The following E2F8 variants were observed in gnomAD, a reference collection of about 807,000 sequenced individuals.
E2F8 encodes the protein transcription factor E2F8.
In E2F8, 35 loss-of-function variants were observed where a neutral mutation model predicts 80.8. That is an observed-to-expected ratio of 0.43 (90% CI 0.33 to 0.57). The LOEUF (loss-of-function observed/expected upper bound fraction) is 0.57, where lower values mean the gene tolerates loss of function less well. E2F8 is among the 20% of genes least tolerant of loss of function. E2F8 has a pLI of 0.04. For synonymous variants in E2F8, 386 were observed against 395.0 expected (o/e 0.98, Z 0.27); for missense variants, 975 against 1,056.2 (o/e 0.92, Z 1.07).
At chr11:19,237,085 A>C (rs1851537788) in intron 4 of E2F8, among the ~76,000 whole-genome samples, 1 of 152,248 alleles carries the variant, frequency 6.6e-6, no homozygotes, top group Admixed American at 6.5e-5. Flanking sequence ...AGACAACTGT[A>C]GTCAGAAGCA....
chr11:19,230,701 C>A lies in E2F8; in HGVS notation c.1200G>T (p.Leu400Phe). Residue 400 changes from leucine (L) to phenylalanine (F), a missense_variant, in exon 8 of 13, where the codon TTG (leucine) becomes TTT (phenylalanine). Transcript: ENST00000250024. ...NFTRHPSLIK[L>F]VKSIESDRRK... Reference sequence around the variant, plus strand: ...TCCGATCACTTTCTATACTCTTTACCAATTTGATAAGAGATGGGTGTCGAG... The same window carrying A: ...TCCGATCACTTTCTATACTCTTTACAAATTTGATAAGAGATGGGTGTCGAG... 1 of 1,614,090 alleles carries A rather than the reference C, an allele frequency of 6.2e-7. No individual in the cohort carries two copies. Among genetic ancestry groups the A allele is most frequent in the Non-Finnish European group, 8.5e-7 (1 of 1,180,022 alleles).
chr11:19,235,447 G>A (rs907849868), intron 4 of E2F8, among the ~76,000 whole-genome samples: 19 of 152,210 alleles, frequency 1.2e-4, no homozygotes, highest in African/African-American at 4.3e-4. Context: ...AGGAGATGGA[G>A]ACCATCCTGG....
intron 8 of E2F8, 69 bp downstream of exon 8, chr11:19,230,562 A>T (rs923840670): frequency 1.3e-6 from 2 of 1,533,936 alleles, no homozygotes; most frequent in African/African-American, 1.4e-5. Context: ...TGCAAGGATC[A>T]AGTAAGCTGA....
At chr11:19,230,512 T>C in intron 8 of E2F8, 119 bp downstream of exon 8, 1 of 1,269,488 alleles carries the variant, frequency 7.9e-7, no homozygotes, top group Non-Finnish European at 1.1e-6. Flanking sequence ...TTCAAGAGGG[T>C]TTGGGTATAT....
chr11:19,232,130 G>C lies in E2F8; in HGVS notation c.1066+104C>G. ...CTCGTAAGTGGGAGTTGAACAATGA[G>C]AACACATGGACACAGGGAGGGGAAC... On this transcript the variant is annotated intron_variant, in intron 7 of 12. Coordinates refer to ENST00000250024, the MANE Select transcript of E2F8 (RefSeq NM_024680.4). The C allele has an allele frequency of 2.0e-6, 3 of 1,481,560 alleles. No individual in the cohort carries two copies. In the South Asian group the frequency reaches 4.0e-5, roughly 20 times the overall value. The allele number at this position is 1,481,560 out of a possible 1,614,324, so 91.8% of individuals were successfully genotyped here.
upstream of E2F8, chr11:19,241,606 C>G (rs1851670509): frequency 6.6e-6 from 1 of 152,298 alleles, no homozygotes; most frequent in Non-Finnish European, 1.5e-5. This position sits in a 1 kb window ranked among gnomAD's most constrained non-coding sequence, Gnocchi z 4.5. Flanking sequence ...CCAGGAGCAG[C>G]CAAGCCCCCG....
chr11:19,240,218 A>T lies in E2F8; in HGVS notation c.-97T>A, dbSNP rs1851623257. ...CAAGTAGTCCAATCAATTGTACTAA[A>T]AGTTTTAATATCCTTAAAGAAAAAA... On this transcript the variant is annotated 5_prime_UTR_variant, in exon 2 of 13. Transcript: ENST00000250024. 1 of 691,912 alleles carries T rather than the reference A, an allele frequency of 1.4e-6. No homozygotes were observed. The highest frequency in any genetic ancestry group is 1.8e-5 in the African/African-American group (1 of 54,206). The allele number at this position is 691,912 out of a possible 1,614,324, so 42.9% of individuals were successfully genotyped here. A position where few individuals can be genotyped will look rare whatever the true frequency, so the allele number is the denominator to read the frequency against.
intron 10 of E2F8, 37 bp from the exon 11 acceptor site, chr11:19,225,901 A>G: frequency 1.3e-6 from 2 of 1,593,822 alleles, no homozygotes; most frequent in Non-Finnish European, 1.7e-6. Flanking sequence ...TTTACACACA[A>G]ATACAGGAAG....
intron 3 of E2F8, among the ~76,000 whole-genome samples, 164 bp from the exon 4 acceptor site, chr11:19,237,634 G>A (rs974025527): frequency 2.0e-5 from 3 of 152,160 alleles, no homozygotes; most frequent in Non-Finnish European, 4.4e-5. Flanking sequence ...CAAAATGCTT[G>A]GCAAACCTGA....
chr11:19,229,324 T>G lies in E2F8; in HGVS notation c.1893+130A>C. ...TTAGCTGTTGAGGGCCTCACTTGGA[T>G]TATGGGATGCTAAGGAACAGTTCCT... On this transcript the variant is annotated intron_variant, in intron 10 of 12. Transcript: ENST00000250024. The surrounding 1 kb of genome is among the most constrained non-coding windows in gnomAD (Gnocchi z 4.3). 7.8e-7 allele frequency: 1 copy of G among 1,287,288 alleles called. No homozygotes were observed. Among genetic ancestry groups the G allele is most frequent in the Non-Finnish European group, 1.1e-6 (1 of 933,524 alleles). The allele number at this position is 1,287,288 out of a possible 1,614,324, so 79.7% of individuals were successfully genotyped here. A position where few individuals can be genotyped will look rare whatever the true frequency, so the allele number is the denominator to read the frequency against.
chr11:19,238,303 T>C (rs1353226970), intron 2 of E2F8, among the ~76,000 whole-genome samples, 171 bp from the exon 3 acceptor site: 2 of 152,266 alleles, frequency 1.3e-5, no homozygotes, highest in East Asian at 1.9e-4. Flanking sequence ...TGATGTGTAT[T>C]GTCAATTCTA....
At chr11:19,234,316 G>C (rs1476209599) in intron 6 of E2F8, 44 bp downstream of exon 6, 1 of 1,604,102 alleles carries the variant, frequency 6.2e-7, no homozygotes, top group East Asian at 2.2e-5. Context: ...AGATTTTATT[G>C]TTTAAGAATA....
At chr11:19,234,635 C>A in intron 5 of E2F8, 109 bp downstream of exon 5, 1 of 1,530,758 alleles carries the variant, frequency 6.5e-7, no homozygotes, top group Non-Finnish European at 8.8e-7. Context: ...ACTGTGGCAT[C>A]TGAACATTAA....
chr11:19,224,448 A>C lies in E2F8; in HGVS notation c.*210T>G, dbSNP rs1197054719. On this transcript the variant is annotated 3_prime_UTR_variant, in exon 13 of 13. Transcript: ENST00000250024. Reference sequence around the variant, plus strand: ...TTTTATTTTGTAGGATTGAAAGCTAAACTTAGCTTTATACAAATATATGTG... The same window carrying C: ...TTTTATTTTGTAGGATTGAAAGCTACACTTAGCTTTATACAAATATATGTG... 2.2e-6 allele frequency: 1 copy of C among 447,476 alleles called. No homozygotes were observed. Among genetic ancestry groups the C allele is most frequent in the Non-Finnish European group, 3.8e-6 (1 of 260,696 alleles). The allele number at this position is 447,476 out of a possible 1,614,324, so 27.7% of individuals were successfully genotyped here. A position where few individuals can be genotyped will look rare whatever the true frequency, so the allele number is the denominator to read the frequency against.
chr11:19,237,856 G>T lies in E2F8; in HGVS notation c.292C>A (p.His98Asn). Reference protein sequence around the residue: ...SGLPEAKDCIHEHLSGDEFEK... With the variant: ...SGLPEAKDCINEHLSGDEFEK... The stretch of plus-strand genomic sequence containing the variant: ...CAACCAGTCCTCTGAAAACCTACGT[G>T]TATACAGTCTTTGGCCTCAGGTAAT... The change falls in exon 3 of 13, where the codon CAC (histidine) becomes AAC (asparagine). Residue 98 changes from histidine to asparagine, a missense_variant and splice_region_variant. By Grantham distance (68) the His-to-Asn change is moderately conservative. Transcript: ENST00000250024. The T allele has an allele frequency of 6.2e-7, 1 of 1,613,026 alleles. No individual in the cohort carries two copies.
At chr11:19,236,553 A>C (rs1183297979) in intron 4 of E2F8, among the ~76,000 whole-genome samples, 1 of 152,228 alleles carries the variant, frequency 6.6e-6, no homozygotes, top group Admixed American at 6.5e-5. Flanking sequence ...TGAATATCCT[A>C]CCCAGCTACC....
chr11:19,232,241 A>G lies in E2F8; in HGVS notation c.1059T>C (p.Asn353=). 6.2e-7 allele frequency: 1 copy of G among 1,613,822 alleles called. No individual in the cohort carries two copies. The change falls in exon 7 of 13, where the codon AAT becomes AAC. Residue 353 remains asparagine (N), a synonymous_variant. Transcript: ENST00000250024. ...FKWTGPEISP[N]TSGSSPVIHF... Reference sequence around the variant, plus strand: ...AAAGAAAAAAATACATACCACTGGTATTTGGACTGATTTCTGGGCCGGTCC... The same window carrying G: ...AAAGAAAAAAATACATACCACTGGTGTTTGGACTGATTTCTGGGCCGGTCC...
chr11:19,240,510 T>G, intron 1 of E2F8, 38 bp downstream of exon 1: 1 of 156,816 alleles, frequency 6.4e-6, no homozygotes, highest in Non-Finnish European at 1.4e-5. Context: ...AGGCGAGCCA[T>G]TCTCCGGACC....
chr11:19,240,227 T>C lies in E2F8; in HGVS notation c.-106A>G, dbSNP rs1851623494. 2.0e-5 allele frequency: 13 copies of C among 648,276 alleles called. No individual in the cohort carries two copies. The highest frequency in any genetic ancestry group is 6.5e-5 in the Admixed American group (2 of 30,902). The allele number at this position is 648,276 out of a possible 1,614,324, so 40.2% of individuals were successfully genotyped here. On this transcript the variant is annotated 5_prime_UTR_variant, in exon 2 of 13. The change creates a new upstream start codon in the 5' untranslated region. Coordinates refer to ENST00000250024, the MANE Select transcript of E2F8 (RefSeq NM_024680.4). ...CAATCAATTGTACTAAAAGTTTTAA[T>C]ATCCTTAAAGAAAAAAGGAAATAGA... is the stretch of plus-strand genomic sequence containing the variant.
Sources: allele counts gnomAD v4.1 joint callset (sites outside exome capture counted in the v4.1 genomes callset), GRCh38; gene constraint gnomAD v4.1.1; non-coding constraint Gnocchi (gnomAD v3.1); transcripts MANE v1.5; gene names NCBI Gene and HGNC (gene_info 2026-07-23, HGNC 2026-07-21).